Variants in RASAL2 observed in about 807,000 individuals in gnomAD.
The protein encoded by RASAL2 is RAS protein activator like 2.
In RASAL2, 58 loss-of-function variants were observed where a neutral mutation model predicts 128.9. The observed-to-expected ratio is 0.45, with a 90% confidence interval of 0.36 to 0.56. RASAL2 has a LOEUF of 0.56. RASAL2 is among the 20% of genes least tolerant of loss of function. The probability of loss-of-function intolerance (pLI) is 0.00; values close to 1 mark genes in which losing one functional copy is unlikely to be tolerated. For missense variants in RASAL2, 1,360 were observed against 1,601.6 expected, an observed-to-expected ratio of 0.85 and a Z score of 2.57; for synonymous variants, 561 against 580.8, an observed-to-expected ratio of 0.97 and a Z score of 0.49.
At chr1:178,221,332 T>C (rs1663605302) in intron 1 of RASAL2, among the ~76,000 whole-genome samples, 1 of 152,210 alleles carries the variant, frequency 6.6e-6, no homozygotes, top group South Asian at 2.1e-4. Context: ...CTTTTGTTTT[T>C]CTAGTATCCT....
intron 3 of RASAL2, among the ~76,000 whole-genome samples, chr1:178,315,058 C>T (rs900925967): frequency 1.4e-5 from 2 of 147,870 alleles, no homozygotes; most frequent in African/African-American, 2.5e-5. Flanking sequence ...TTTGATCTTG[C>T]GATAGTTTAC....
intron 3 of RASAL2, among the ~76,000 whole-genome samples, chr1:178,367,712 T>C (rs1217942887): frequency 1.3e-5 from 2 of 152,196 alleles, no homozygotes; most frequent in African/African-American, 2.4e-5. Context: ...AAGTATCTCA[T>C]GGGACCATGA....
intron 4 of RASAL2, among the ~76,000 whole-genome samples, chr1:178,396,809 G>C (rs1295722181): frequency 2.1e-5 from 3 of 144,690 alleles, no homozygotes; most frequent in African/African-American, 7.9e-5. Flanking sequence ...TTTTTTGTCA[G>C]ATTGTTGAGT....
chr1:178,332,008 C>G (rs915029140), intron 3 of RASAL2, among the ~76,000 whole-genome samples: 1 of 152,028 alleles, frequency 6.6e-6, no homozygotes. Context: ...CAGCATTATT[C>G]AATTGATTAT....
At chr1:178,402,190 C>A (rs1442913362) in intron 4 of RASAL2, among the ~76,000 whole-genome samples, 2 of 151,984 alleles carry the variant, frequency 1.3e-5, no homozygotes, top group Non-Finnish European at 2.9e-5. Flanking sequence ...CCAAGGTGGG[C>A]AGATCACTTG....
chr1:178,455,449 T>C (rs935645172), intron 12 of RASAL2, among the ~76,000 whole-genome samples: 1 of 152,194 alleles, frequency 6.6e-6, no homozygotes. Flanking sequence ...TTTTCCTCTA[T>C]TTTCCTATCA....
intron 3 of RASAL2, among the ~76,000 whole-genome samples, chr1:178,388,347 C>T (rs1000247742): frequency 6.6e-6 from 1 of 152,168 alleles, no homozygotes; most frequent in Admixed American, 6.5e-5. Flanking sequence ...TGTGCCATTC[C>T]CATGAATCTG....
At chr1:178,405,822 T>G (rs1167795437) in intron 4 of RASAL2, among the ~76,000 whole-genome samples, 1 of 152,238 alleles carries the variant, frequency 6.6e-6, no homozygotes, top group Non-Finnish European at 1.5e-5. Context: ...GAATTTAGAA[T>G]TAGGGCTGTG....
intron 1 of RASAL2, among the ~76,000 whole-genome samples, chr1:178,229,807 CAAGGTAAA>C (rs1663929095): frequency 5.3e-5 from 8 of 152,172 alleles, no homozygotes; most frequent in Admixed American, 3.3e-4. Flanking sequence ...TTTTAGTTTT[CAAGGTAAA>C]ATCTAATTAT....
chr1:178,375,979 T>C (rs566391214), intron 3 of RASAL2, among the ~76,000 whole-genome samples: 3 of 152,208 alleles, frequency 2.0e-5, no homozygotes, highest in Admixed American at 6.5e-5. Flanking sequence ...GGTCATCTGC[T>C]ATCAAGAGCT....
intron 5 of RASAL2, among the ~76,000 whole-genome samples, chr1:178,427,438 T>C (rs1182009880): frequency 6.6e-6 from 1 of 152,152 alleles, no homozygotes; most frequent in East Asian, 1.9e-4. Context: ...TTCTCAATTC[T>C]AAGGCTCACT....
intron 1 of RASAL2, among the ~76,000 whole-genome samples, chr1:178,140,460 C>T (rs1364346804): frequency 6.6e-6 from 1 of 152,166 alleles, no homozygotes; most frequent in African/African-American, 2.4e-5. Context: ...TGAAAATACC[C>T]TGTGTTTCTC....
chr1:178,404,677 C>A (rs890381674), intron 4 of RASAL2, among the ~76,000 whole-genome samples: 4 of 136,266 alleles, frequency 2.9e-5, no homozygotes, highest in African/African-American at 1.1e-4. Flanking sequence ...CCGCACCTGG[C>A]CCCCCAATTT....
chr1:178,472,028 A>G (rs760693261), intron 17 of RASAL2, among the ~76,000 whole-genome samples: 1 of 152,206 alleles, frequency 6.6e-6, no homozygotes, highest in African/African-American at 2.4e-5. Flanking sequence ...TTACAGGCAT[A>G]GGTAAAGACT....
At chr1:178,323,252 G>A (rs940488896) in intron 3 of RASAL2, among the ~76,000 whole-genome samples, 2 of 152,126 alleles carry the variant, frequency 1.3e-5, no homozygotes, top group African/African-American at 4.8e-5. Context: ...TACTCACCTT[G>A]GTATCACCAT....
Position 178,421,603 on chromosome 1 carries a change from T to C in RASAL2, c.674+983T>C, listed in dbSNP as rs531405440. 3.9e-5 allele frequency among the ~76,000 whole-genome samples: 6 copies of C among 152,216 alleles called. No individual in the cohort carries two copies. In the East Asian group the frequency reaches 1.2e-3, roughly 29 times the overall value. ...CAGCTAATAAGTAGTAGAGCTAAGA[T>C]TTGAACTCAGGTCTGCCTCTCATAT... is the stretch of plus-strand genomic sequence containing the variant. On this transcript the variant is annotated intron_variant, in intron 5 of 17. Transcript: ENST00000367649.
intron 1 of RASAL2, among the ~76,000 whole-genome samples, chr1:178,127,097 T>C (rs112348464): frequency 5.3e-5 from 8 of 152,204 alleles, no homozygotes; most frequent in Non-Finnish European, 1.0e-4. Context: ...GTAGGTTGAG[T>C]TGACTCAACC....
chr1:178,297,502 G>C (rs889043764), intron 2 of RASAL2, among the ~76,000 whole-genome samples: 2 of 150,998 alleles, frequency 1.3e-5, no homozygotes, highest in Admixed American at 6.6e-5. Context: ...AGCTACTTGG[G>C]AGGCTGAGAC....
At chr1:178,128,778 C>T (rs1659992513) in intron 1 of RASAL2, among the ~76,000 whole-genome samples, 1 of 152,068 alleles carries the variant, frequency 6.6e-6, no homozygotes, top group Admixed American at 6.5e-5. Context: ...TACATAGAAT[C>T]ATAAAATTTG....
Sources: gnomAD v4.1 joint callset for allele counts (sites outside exome capture counted in the v4.1 genomes callset) on GRCh38, gnomAD v4.1.1 for gene constraint, MANE v1.5 for transcripts, NCBI Gene and HGNC (gene_info 2026-07-23, HGNC 2026-07-21) for gene names.